The following NVL variants were observed in gnomAD, a reference collection of about 807,000 sequenced individuals.
NVL encodes nuclear VCP like.
A neutral mutation model predicts 110.2 loss-of-function variants in NVL; 84 were observed. The ratio of observed to expected loss-of-function variants is 0.76; its 90% CI spans 0.64 to 0.91. The LOEUF (loss-of-function observed/expected upper bound fraction) is 0.91. Among genes scored for constraint, NVL ranks in the 40% least tolerant of loss-of-function variants. The pLI is 0.00. For synonymous variants in NVL, 354 were observed against 361.1 expected (o/e 0.98, Z 0.22); for missense variants, 882 against 1,035.9 (o/e 0.85, Z 2.04).
At chr1:224,238,339 C>G (rs1660767271) in intron 19 of NVL, among the ~76,000 whole-genome samples, 1 of 152,116 alleles carries the variant, frequency 6.6e-6, no homozygotes, top group Non-Finnish European at 1.5e-5. Context: ...GCCCAGTAAG[C>G]TTTTCTTAGT....
At chr1:224,291,816 A>G (rs1667405892) in intron 12 of NVL, among the ~76,000 whole-genome samples, 1 of 152,246 alleles carries the variant, frequency 6.6e-6, no homozygotes, top group Non-Finnish European at 1.5e-5. Flanking sequence ...GGATGTTGTG[A>G]AAATGGCTAA....
At chr1:224,245,299 T>C (rs935318995) in intron 19 of NVL, among the ~76,000 whole-genome samples, 1 of 152,202 alleles carries the variant, frequency 6.6e-6, no homozygotes, top group African/African-American at 2.4e-5. Context: ...AAATTAGATA[T>C]TGTGCTTCCT....
At position 224,311,745 on chromosome 1, in the gene NVL, C is replaced by A. The variant is rs377754820; in HGVS notation, c.342+55G>T. The A allele has an allele frequency of 1.3e-5, 18 of 1,344,572 alleles. No individual in the cohort carries two copies. The African/African-American group carries it at 2.6e-4, about 19-fold the overall frequency. The allele number at this position is 1,344,572 out of a possible 1,614,324, so 83.3% of individuals were successfully genotyped here. On this transcript the variant is annotated intron_variant, in intron 5 of 22. Coordinates refer to ENST00000281701, the MANE Select transcript of NVL (RefSeq NM_002533.4). ...AATACTGAGTTTTTCAAGGGAGGTACCATAACAACTAAAAAAGAAAAAATC... is the reference window on the plus strand; with the variant it reads ...AATACTGAGTTTTTCAAGGGAGGTAACATAACAACTAAAAAAGAAAAAATC...
At chr1:224,329,040 AAATAAT>A (rs199844168) in intron 1 of NVL, among the ~76,000 whole-genome samples, 1 of 151,550 alleles carries the variant, frequency 6.6e-6, no homozygotes, top group Non-Finnish European at 1.5e-5. Flanking sequence ...CCGTCTCTAC[AAATAAT>A]AATAATAATA....
At chr1:224,268,536 A>C (rs546661369) in intron 17 of NVL, among the ~76,000 whole-genome samples, 3 of 152,238 alleles carry the variant, frequency 2.0e-5, no homozygotes, top group African/African-American at 7.2e-5. Flanking sequence ...GGGTCTTGCT[A>C]TGCTGTCCAG....
intron 18 of NVL, among the ~76,000 whole-genome samples, chr1:224,253,008 T>C (rs1260724934): frequency 6.6e-6 from 1 of 152,124 alleles, no homozygotes; most frequent in Non-Finnish European, 1.5e-5. Context: ...TCACCCAAGT[T>C]GTTTCATGTG....
intron 22 of NVL, chr1:224,228,091 T>C (rs1278300098): frequency 6.6e-6 from 1 of 152,376 alleles, no homozygotes; most frequent in Non-Finnish European, 1.5e-5. Context: ...ACTAACTTAC[T>C]GTTGAAGAGA....
At chr1:224,266,334 C>T (rs891566843) in intron 18 of NVL, among the ~76,000 whole-genome samples, 6 of 152,170 alleles carry the variant, frequency 3.9e-5, no homozygotes, top group African/African-American at 1.4e-4. Context: ...AGTTGTTTAG[C>T]TCAGGCAGTT....
intron 18 of NVL, chr1:224,256,921 G>C: frequency 2.3e-6 from 1 of 443,032 alleles, no homozygotes; most frequent in Non-Finnish European, 4.5e-6. Flanking sequence ...AATATATTCA[G>C]ATTCCTTCTA....
In NVL at chr1:224,316,233, A is replaced by T. The variant is rs182555739; in HGVS notation, c.284+1461T>A. On this transcript the variant is annotated intron_variant, in intron 4 of 22. Coordinates refer to ENST00000281701, the MANE Select transcript of NVL (RefSeq NM_002533.4). ...AAATAATTGCAGCATGTCCATACAT[A>T]CTTATCAATAAAAAGCAATGAACTA... 3.5e-4 allele frequency among the ~76,000 whole-genome samples: 53 copies of T among 152,330 alleles called. No homozygotes were observed. The East Asian group carries it at 0.01, about 29-fold the overall frequency.
intron 2 of NVL, among the ~76,000 whole-genome samples, chr1:224,323,089 T>C (rs192821662): frequency 1.3e-5 from 2 of 152,204 alleles, no homozygotes; most frequent in African/African-American, 4.8e-5. Flanking sequence ...AAGATGCTTC[T>C]GGTGAGGTCT....
At chr1:224,307,275 AAT>A (rs538694348) in intron 6 of NVL, among the ~76,000 whole-genome samples, 22 of 152,318 alleles carry the variant, frequency 1.4e-4, no homozygotes, top group Admixed American at 4.6e-4. Flanking sequence ...CAGCTGAGGA[AAT>A]AGATTCACAT....
At chr1:224,251,332 TA>T (rs1412349696) in intron 18 of NVL, among the ~76,000 whole-genome samples, 1 of 124,414 alleles carries the variant, frequency 8.0e-6, no homozygotes, top group Admixed American at 8.1e-5. Flanking sequence ...TTATAAAAAA[TA>T]AAAAATTAAT....
intron 10 of NVL, among the ~76,000 whole-genome samples, chr1:224,299,100 C>G (rs1288167453): frequency 3.3e-5 from 5 of 152,162 alleles, no homozygotes; most frequent in Non-Finnish European, 7.3e-5. Flanking sequence ...TAAGGCATCT[C>G]AAAACCATGG....
intron 9 of NVL, chr1:224,303,086 G>A (rs942355964): frequency 1.2e-5 from 2 of 171,812 alleles, no homozygotes; most frequent in African/African-American, 4.8e-5. Flanking sequence ...GGGTTAAAGG[G>A]AAAGCAAAGT....
At chr1:224,256,937 A>T (rs1663333184) in intron 18 of NVL, 2 of 450,760 alleles carry the variant, frequency 4.4e-6, no homozygotes, top group Non-Finnish European at 9.0e-6. Flanking sequence ...TTCTACATCC[A>T]CAGCTATCAC....
chr1:224,328,663 T>C (rs1671385523), intron 1 of NVL, among the ~76,000 whole-genome samples: 1 of 152,116 alleles, frequency 6.6e-6, no homozygotes, highest in Admixed American at 6.6e-5. Flanking sequence ...CCAACCAGGC[T>C]GTTGACAGAT....
intron 16 of NVL, among the ~76,000 whole-genome samples, chr1:224,276,913 GAC>G (rs1458920904): frequency 2.7e-4 from 2 of 7,430 alleles, no homozygotes; most frequent in African/African-American, 1.1e-3. Context: ...TCTGGACTTT[GAC>G]ACATAAAACT....
At chr1:224,267,877 T>C (rs993704895) in intron 18 of NVL, among the ~76,000 whole-genome samples, 157 bp downstream of exon 18, 8 of 152,174 alleles carry the variant, frequency 5.3e-5, no homozygotes, top group Non-Finnish European at 8.8e-5. Context: ...CAAAAATGGA[T>C]TGCCCAAATT....
Sources: allele counts gnomAD v4.1 joint callset (sites outside exome capture counted in the v4.1 genomes callset), GRCh38; gene constraint gnomAD v4.1.1; transcripts MANE v1.5; gene names NCBI Gene and HGNC (gene_info 2026-07-23, HGNC 2026-07-21).